Variants in RAB5C observed in about 807,000 individuals in gnomAD.
RAB5C encodes RAB5C, member RAS oncogene family.
RAB5C carries 4 observed loss-of-function variants against 25.2 expected under a neutral mutation model. The ratio of observed to expected loss-of-function variants is 0.16; its 90% confidence interval spans 0.08 to 0.36. The LOEUF (loss-of-function observed/expected upper bound fraction) is 0.36, where lower values mean the gene tolerates loss of function less well. RAB5C is among the 10% of genes least tolerant of loss of function. The pLI is 1.00. For synonymous variants in RAB5C, 100 were observed against 106.4 expected (o/e 0.94, Z 0.37); for missense variants, 199 against 283.8 (o/e 0.70, Z 2.15).
intron 1 of RAB5C, among the ~76,000 whole-genome samples, chr17:42,151,766 T>C (rs922202085): frequency 6.6e-6 from 1 of 151,952 alleles, no homozygotes; most frequent in African/African-American, 2.4e-5. Context: ...CCCTGAAGAG[T>C]ACTGACTTGG....
intron 5 of RAB5C, 122 bp downstream of exon 5, chr17:42,126,631 CAA>C (rs71357528): frequency 0.029 from 2,419 of 84,118 alleles, no homozygotes; most frequent in South Asian, 0.048. Context: ...GACTCCATCT[CAA>C]AAAAAAAAAA....
intron 1 of RAB5C, among the ~76,000 whole-genome samples, chr17:42,133,996 A>G (rs2054511575): frequency 6.6e-6 from 1 of 152,030 alleles, no homozygotes; most frequent in Non-Finnish European, 1.5e-5. Context: ...AGCACTTTTT[A>G]CGGTCTGTTG....
chr17:42,152,519 C>A (rs2144105148), intron 1 of RAB5C, among the ~76,000 whole-genome samples: 1 of 152,262 alleles, frequency 6.6e-6, no homozygotes, highest in South Asian at 2.1e-4. Context: ...TGGCTCATGC[C>A]TGTAATCCTA....
chr17:42,154,423 G>A (rs369593911), intron 1 of RAB5C, among the ~76,000 whole-genome samples: 1 of 152,308 alleles, frequency 6.6e-6, no homozygotes, highest in Admixed American at 6.5e-5. Context: ...TTCTGTGCGT[G>A]TGGAACGGTC....
intron 1 of RAB5C, 45 bp from the exon 2 acceptor site, chr17:42,130,635 C>A (rs756875945): frequency 2.7e-6 from 4 of 1,478,684 alleles, no homozygotes; most frequent in Non-Finnish European, 3.6e-6. Flanking sequence ...CAGAGGCCGT[C>A]ACCCGCTGTG....
At chr17:42,135,206 A>G (rs897873708) in intron 1 of RAB5C, among the ~76,000 whole-genome samples, 11 of 151,464 alleles carry the variant, frequency 7.3e-5, no homozygotes, top group African/African-American at 2.7e-4. Context: ...GCTGGTATCA[A>G]ACTCCTGCCT....
At chr17:42,149,592 T>A (rs72820881) in intron 1 of RAB5C, among the ~76,000 whole-genome samples, 7,808 of 152,034 alleles carry the variant, frequency 0.051, 614 homozygotes, top group African/African-American at 0.17. Flanking sequence ...ATAAATAAAT[T>A]AATTAATTAA....
At chr17:42,144,925 C>CAAAAAAAAAAAAAAAA (rs544870361) in intron 1 of RAB5C, among the ~76,000 whole-genome samples, 2 of 31,104 alleles carry the variant, frequency 6.4e-5, no homozygotes, top group Non-Finnish European at 1.3e-4. Flanking sequence ...GACTCCGTCT[C>CAAAAAAAAAAAAAAAA]AAAAAAAAAA....
chr17:42,132,831 A>G (rs967647826), intron 1 of RAB5C, among the ~76,000 whole-genome samples: 2 of 151,766 alleles, frequency 1.3e-5, no homozygotes, highest in African/African-American at 4.8e-5. Context: ...CTTTACGACA[A>G]CCTCCATTTT....
Position 42,125,662 on chromosome 17 carries a change from G to C in RAB5C, c.*121C>G. On this transcript the variant is annotated 3_prime_UTR_variant, in exon 6 of 6. Coordinates refer to ENST00000346213, the MANE Select transcript of RAB5C (RefSeq NM_004583.4). ...ATCAAAATTATATGGAGAAATCATGGTGGACCCCTCCCCCTGCCCCCCCAG... is the reference window on the plus strand; with the variant it reads ...ATCAAAATTATATGGAGAAATCATGCTGGACCCCTCCCCCTGCCCCCCCAG... 1 of 654,142 alleles carries C rather than the reference G, an allele frequency of 1.5e-6. No individual in the cohort carries two copies. Among genetic ancestry groups the C allele is most frequent in the South Asian group, 1.9e-5 (1 of 53,476 alleles). 40.5% of individuals were successfully genotyped at this position (654,142 alleles called of 1,614,324 possible). A position where few individuals can be genotyped will look rare whatever the true frequency, so the allele number is the denominator to read the frequency against.
intron 1 of RAB5C, among the ~76,000 whole-genome samples, chr17:42,144,654 C>A (rs1159145901): frequency 6.6e-6 from 1 of 151,522 alleles, no homozygotes; most frequent in Non-Finnish European, 1.5e-5. Flanking sequence ...TCAGGGTGGG[C>A]GTGGTGGCTC....
chr17:42,126,900 AGGGCCCAG>A (rs1568017779), intron 4 of RAB5C, 52 bp from the exon 5 acceptor site: 4 of 1,108,084 alleles, frequency 3.6e-6, no homozygotes, highest in Admixed American at 1.7e-5. Context: ...GGCAGGGGCC[AGGGCCCAG>A]GGCCCAGGAT....
intron 1 of RAB5C, among the ~76,000 whole-genome samples, chr17:42,136,887 G>C (rs2054541880): frequency 6.6e-6 from 1 of 152,174 alleles, no homozygotes; most frequent in Admixed American, 6.5e-5. Context: ...AAAAACCCCA[G>C]AATATTAACA....
intron 1 of RAB5C, among the ~76,000 whole-genome samples, chr17:42,135,535 T>C (rs2054528014): frequency 6.6e-6 from 1 of 152,112 alleles, no homozygotes; most frequent in African/African-American, 2.4e-5. Flanking sequence ...AGAGCTACAG[T>C]TGATATACGA....
At chr17:42,127,270 G>A (rs1034142169) in intron 4 of RAB5C, among the ~76,000 whole-genome samples, 2 of 152,166 alleles carry the variant, frequency 1.3e-5, no homozygotes, top group Non-Finnish European at 2.9e-5. Flanking sequence ...ATAGCACACT[G>A]CCATCAATGT....
At chr17:42,132,592 T>G (rs1167932406) in intron 1 of RAB5C, among the ~76,000 whole-genome samples, 1 of 152,046 alleles carries the variant, frequency 6.6e-6, no homozygotes, top group Non-Finnish European at 1.5e-5. Context: ...CAGGCTAGAG[T>G]GCAGCGGTGT....
chr17:42,133,368 T>C (rs2054505517), intron 1 of RAB5C, among the ~76,000 whole-genome samples: 1 of 152,160 alleles, frequency 6.6e-6, no homozygotes, highest in Non-Finnish European at 1.5e-5. Context: ...AACCAGCACC[T>C]ACAGGTCGAG....
chr17:42,153,325 G>A (rs1341533583), intron 1 of RAB5C, among the ~76,000 whole-genome samples: 2 of 152,128 alleles, frequency 1.3e-5, no homozygotes, highest in East Asian at 3.9e-4. Flanking sequence ...GCTGAGGCAA[G>A]AGAACTGCTT....
Position 42,126,459 on chromosome 17 carries a change from C to T in RAB5C, c.535+296G>A, listed in dbSNP as rs1049064992. 14 of 203,926 alleles carry T rather than the reference C, an allele frequency of 6.9e-5. 1 individual carries two copies. The highest frequency in any genetic ancestry group is 6.2e-4 in the East Asian group (5 of 8,034). The allele number at this position is 203,926 out of a possible 1,614,324, so 12.6% of individuals were successfully genotyped here. A position where few individuals can be genotyped will look rare whatever the true frequency, so the allele number is the denominator to read the frequency against. ...CATCCTGGCTAACACCGTGAAACCC[C>T]GTCTCTACCAAAAATACAAAAAATT... On this transcript the variant is annotated intron_variant, in intron 5 of 5. Coordinates refer to ENST00000346213, the MANE Select transcript of RAB5C (RefSeq NM_004583.4).
Sources: gnomAD v4.1 joint callset for allele counts (sites outside exome capture counted in the v4.1 genomes callset) on GRCh38, gnomAD v4.1.1 for gene constraint, MANE v1.5 for transcripts, NCBI Gene and HGNC (gene_info 2026-07-23, HGNC 2026-07-21) for gene names.